The following FLII variants were observed in gnomAD, a reference collection of about 807,000 sequenced individuals.
The protein encoded by FLII is protein flightless-1 homolog.
A neutral mutation model predicts 156.2 loss-of-function variants in FLII; 101 were observed. That is an observed-to-expected ratio of 0.65 (90% CI 0.55 to 0.76). The LOEUF (loss-of-function observed/expected upper bound fraction) is 0.76. Ranked by LOEUF, FLII falls within the 30% of genes least tolerant of loss-of-function variation. The pLI, the probability that FLII is intolerant of heterozygous loss-of-function variation, is 0.00. For missense variants in FLII, 1,675 were observed against 1,682.8 expected, an observed-to-expected ratio of 1.00 and a Z score of 0.08; for synonymous variants, 767 against 685.8, an observed-to-expected ratio of 1.12 and a Z score of -1.85.
chr17:18,245,264 G>C lies in FLII; in HGVS notation c.3684C>G (p.Ile1228Met). The C allele has an allele frequency of 6.2e-7, 1 of 1,612,968 alleles. No homozygotes were observed. The part of the protein sequence containing the change: ...KLSLKACQVY[I>M]QHMRSKEHER... ...CATGTTCCTTGGACCGCATGTGCTGGATATATACCTGGCAAGGGGACAGCG... is the reference window on the plus strand; with the variant it reads ...CATGTTCCTTGGACCGCATGTGCTGCATATATACCTGGCAAGGGGACAGCG... Residue 1228 changes from isoleucine (I) to methionine (M), a missense_variant, in exon 30 of 30, where the codon ATC (isoleucine) becomes ATG (methionine). Physicochemically the swap from Ile to Met is conservative, Grantham distance 10. Around this residue, in one of 2 missense-constraint regions of FLII, gnomAD observed 1,332 missense variants for 1,269.3 expected, o/e 1.05. Coordinates refer to ENST00000327031, the MANE Select transcript of FLII (RefSeq NM_002018.4).
rs2142835343 is a variant in FLII at position 18,250,820 on chromosome 17, A to G, written c.1776+18T>C. On this transcript the variant is annotated intron_variant, in intron 14 of 29. Transcript: ENST00000327031. The stretch of plus-strand genomic sequence containing the variant: ...GGGAACCCCACTCTGCCCACCCCCA[A>G]TTTTAACGGGCTGGCACCTGCAGGA... The G allele has an allele frequency of 6.3e-7, 1 of 1,599,642 alleles. No individual in the cohort carries two copies. The highest frequency in any genetic ancestry group is 1.1e-5 in the South Asian group (1 of 90,130).
chr17:18,249,978 A>G (rs1454045110), intron 14 of FLII, among the ~76,000 whole-genome samples: 2 of 151,532 alleles, frequency 1.3e-5, no homozygotes, highest in East Asian at 1.9e-4. Flanking sequence ...AAAATTAGCT[A>G]GGCGTGGTAG....
rs1426071965 is a variant in FLII, at chr17:18,244,839, T to C, written c.*299A>G. 2 of 397,312 alleles carry C rather than the reference T, an allele frequency of 5.0e-6. No homozygotes were observed. Among genetic ancestry groups the C allele is most frequent in the African/African-American group, 4.1e-5 (2 of 48,572 alleles). 24.6% of individuals were successfully genotyped at this position (397,312 alleles called of 1,614,324 possible). A position where few individuals can be genotyped will look rare whatever the true frequency, so the allele number is the denominator to read the frequency against. ...ATTTTAATATTAAAAATACTGATTT[T>C]TAATATTGAAAATAAAAGCATTTAA... On this transcript the variant is annotated 3_prime_UTR_variant, in exon 30 of 30. Coordinates refer to ENST00000327031, the MANE Select transcript of FLII (RefSeq NM_002018.4).
In FLII at chr17:18,245,015, T is replaced by C; in HGVS notation, c.*123A>G. 1 of 1,093,734 alleles carries C rather than the reference T, an allele frequency of 9.1e-7. No individual in the cohort carries two copies. Among genetic ancestry groups the C allele is most frequent in the East Asian group, 2.4e-5 (1 of 42,120 alleles). The allele number at this position is 1,093,734 out of a possible 1,614,324, so 67.8% of individuals were successfully genotyped here. ...CCCCATTGGTGCTGCTTGAGGCTAC[T>C]GGGGACTGTGGCACTGGACGTGGCT... On this transcript the variant is annotated 3_prime_UTR_variant, in exon 30 of 30. Transcript: ENST00000327031.
intron 14 of FLII, 50 bp from the exon 15 acceptor site, chr17:18,249,458 A>C: frequency 7.0e-7 from 1 of 1,424,320 alleles, no homozygotes; most frequent in Non-Finnish European, 9.9e-7. Flanking sequence ...CCCCTCCCCC[A>C]CCAACCACTG....
At chr17:18,246,286 G>A in intron 24 of FLII, 22 bp downstream of exon 24, 1 of 1,614,022 alleles carries the variant, frequency 6.2e-7, no homozygotes, top group Middle Eastern at 1.6e-4. Context: ...GCTCGCCACT[G>A]CGTCCTCCCC....
chr17:18,247,434 C>A (rs2048114085), intron 20 of FLII, 77 bp from the exon 21 acceptor site: 2 of 1,412,520 alleles, frequency 1.4e-6, no homozygotes, highest in Non-Finnish European at 1.9e-6. Flanking sequence ...AGGCTTGAGG[C>A]GGGACCCAAG....
In FLII at chr17:18,249,409, CTGTG is replaced by C. The variant is rs757873184; in HGVS notation, c.1777-5_1777-2del. 1 of 1,613,508 alleles carries C rather than the reference CTGTG, an allele frequency of 6.2e-7. No individual in the cohort carries two copies. The highest frequency in any genetic ancestry group is 1.1e-5 in the South Asian group (1 of 91,060). On this transcript the variant is annotated splice_acceptor_variant and splice_polypyrimidine_tract_variant and intron_variant, in intron 14 of 29. Transcript: ENST00000327031. LOFTEE classifies it high-confidence loss of function. ...TGTAGGAGATGTCGTTGTCAAACAC[CTGTG>C]TGTGTGAGGGTGTGGTTCTTCATCA...
intron 20 of FLII, 21 bp downstream of exon 20, chr17:18,247,636 C>A (rs1359390266): frequency 6.4e-7 from 1 of 1,554,180 alleles, no homozygotes; most frequent in Admixed American, 1.8e-5. Flanking sequence ...TGGGGAGGGG[C>A]CTCCGAAGCT....
intron 14 of FLII, among the ~76,000 whole-genome samples, chr17:18,249,734 G>T (rs1288796744): frequency 6.6e-6 from 1 of 151,994 alleles, no homozygotes; most frequent in East Asian, 1.9e-4. Flanking sequence ...AGGTTGCAGT[G>T]AGCTGAGATT....
chr17:18,247,268 G>A lies in FLII; in HGVS notation c.2577C>T (p.Leu859=), dbSNP rs1214621231. The change falls in exon 21 of 30, where the codon CTC becomes CTT. Residue 859 remains leucine (L), a synonymous_variant. Transcript: ENST00000327031. Reference sequence around the variant, plus strand: ...CGGCGTCGCGTTTCACCTTCCCGGAGAGACCCGGGCTCTGCAGCACGGCCT... The same window carrying A: ...CGGCGTCGCGTTTCACCTTCCCGGAAAGACCCGGGCTCTGCAGCACGGCCT... The part of the protein sequence containing the change: ...NAEAVLQSPG[L]SGKVKRDAEK... 6.2e-7 allele frequency: 1 copy of A among 1,612,196 alleles called. No individual in the cohort carries two copies. The highest frequency in any genetic ancestry group is 8.5e-7 in the Non-Finnish European group (1 of 1,179,778).
In FLII at chr17:18,248,878, A is replaced by G; in HGVS notation, c.1940T>C (p.Val647Ala). 6.2e-7 allele frequency: 1 copy of G among 1,613,626 alleles called. No homozygotes were observed. The highest frequency in any genetic ancestry group is 1.1e-5 in the South Asian group (1 of 91,082). The stretch of plus-strand genomic sequence containing the variant: ...GTCTAGCCCTCGGTCCAGCAGGAAA[A>G]CAAACCTGGACAAGAAGGGGCAGGA... ...LKGTSLDPRF[V>A]FLLDRGLDIY... Residue 647 changes from valine (V) to alanine (A), a missense_variant, in exon 17 of 30, where the codon GTT becomes GCT. Around this residue, in one of 2 missense-constraint regions of FLII, gnomAD observed 1,332 missense variants for 1,269.3 expected, o/e 1.05. Coordinates refer to ENST00000327031, the MANE Select transcript of FLII (RefSeq NM_002018.4).
chr17:18,252,547 C>T lies in FLII; in HGVS notation c.1023G>A (p.Lys341=), dbSNP rs1207894826. Reference sequence around the variant, plus strand: ...TCTTGTTCAGGACAAGTTTCCTCAGCTTTGGGCACCTGTGAAGACAGGGCC... The same window carrying T: ...TCTTGTTCAGGACAAGTTTCCTCAGTTTTGGGCACCTGTGAAGACAGGGCC... The part of the protein sequence containing the change: ...LVPESLCRCP[K]LRKLVLNKNH... Residue 341 remains lysine (K), a synonymous_variant, in exon 10 of 30, where the codon AAG becomes AAA. Transcript: ENST00000327031. The T allele has an allele frequency of 1.2e-6, 2 of 1,613,584 alleles. 1 individual carries two copies. The highest frequency in any genetic ancestry group is 2.2e-5 in the South Asian group (2 of 91,086).
chr17:18,249,489 A>C (rs2048193681), intron 14 of FLII, 81 bp from the exon 15 acceptor site: 2 of 1,018,288 alleles, frequency 2.0e-6, no homozygotes, highest in African/African-American at 3.2e-5. Context: ...GGGGGTACAG[A>C]GTTGCATACA....
Position 18,245,023 on chromosome 17 carries a change from G to C in FLII, c.*115C>G. The C allele has an allele frequency of 3.4e-6, 4 of 1,180,182 alleles. No homozygotes were observed. Among genetic ancestry groups the C allele is most frequent in the Non-Finnish European group, 3.6e-6 (3 of 828,712 alleles). 73.1% of individuals were successfully genotyped at this position (1,180,182 alleles called of 1,614,324 possible). A position where few individuals can be genotyped will look rare whatever the true frequency, so the allele number is the denominator to read the frequency against. On this transcript the variant is annotated 3_prime_UTR_variant, in exon 30 of 30. Transcript: ENST00000327031. ...GTGCTGCTTGAGGCTACTGGGGACT[G>C]TGGCACTGGACGTGGCTGGAGCAGG... is the stretch of plus-strand genomic sequence containing the variant.
intron 5 of FLII, 29 bp downstream of exon 5, chr17:18,254,740 C>T (rs1370729599): frequency 1.2e-6 from 2 of 1,613,770 alleles, no homozygotes; most frequent in Non-Finnish European, 1.7e-6. Context: ...CAGGGCCCAC[C>T]TGCCCCCTGC....
In FLII at chr17:18,245,773, G is replaced by A. The variant is rs764624556; in HGVS notation, c.3474C>T (p.Ala1158=). ...IGAQKPYDDD[A]EYMKHTRLFR... is the part of the protein sequence containing the mutation. ...AGAGACGTGTGTGTTTCATGTACTC[G>A]GCATCGTCATCATAGGGCTTCTGTG... The change falls in exon 27 of 30, where the codon GCC becomes GCT. Residue 1158 remains alanine (A), a synonymous_variant. Coordinates refer to ENST00000327031, the MANE Select transcript of FLII (RefSeq NM_002018.4). 19 of 1,613,806 alleles carry A rather than the reference G, an allele frequency of 1.2e-5. No homozygotes were observed. Among genetic ancestry groups the A allele is most frequent in the East Asian group, 4.5e-5 (2 of 44,870 alleles).
In FLII at chr17:18,245,439, G is replaced by C. The variant is rs752460534; in HGVS notation, c.3610-20C>G. 4 of 1,613,860 alleles carry C rather than the reference G, an allele frequency of 2.5e-6. No individual in the cohort carries two copies. The East Asian group carries it at 8.9e-5, about 36-fold the overall frequency. ...GTAGACCTGTGGGGGCAGCAGGGGA[G>C]ATACGGTTGCATGGGTGCCTGGGAA... On this transcript the variant is annotated intron_variant, in intron 28 of 29. Coordinates refer to ENST00000327031, the MANE Select transcript of FLII (RefSeq NM_002018.4).
In FLII at chr17:18,247,259, C is replaced by T. The variant is rs2048105691; in HGVS notation, c.2586G>A (p.Lys862=). The T allele has an allele frequency of 6.2e-7, 1 of 1,610,982 alleles. No homozygotes were observed. The highest frequency in any genetic ancestry group is 8.5e-7 in the Non-Finnish European group (1 of 1,179,660). The change falls in exon 21 of 30, where the codon AAG becomes AAA. Residue 862 remains lysine (K), a synonymous_variant. Coordinates refer to ENST00000327031, the MANE Select transcript of FLII (RefSeq NM_002018.4). ...AVLQSPGLSG[K]VKRDAEKKDQ... is the part of the protein sequence containing the mutation. ...CTTTCTTCTCGGCGTCGCGTTTCAC[C>T]TTCCCGGAGAGACCCGGGCTCTGCA... is the stretch of plus-strand genomic sequence containing the variant.
Sources: allele counts gnomAD v4.1 joint callset (sites outside exome capture counted in the v4.1 genomes callset), GRCh38; gene constraint gnomAD v4.1.1; regional missense constraint gnomAD v4.1.1; transcripts MANE v1.5; gene names NCBI Gene and HGNC (gene_info 2026-07-23, HGNC 2026-07-21).